UBXN4: variants seen among roughly 807,000 people sequenced by gnomAD.
The protein encoded by UBXN4 is UBX domain protein 4.
UBXN4 carries 35 observed loss-of-function variants against 66.2 expected under a neutral mutation model. The observed-to-expected ratio is 0.53, with a 90% confidence interval of 0.40 to 0.70. UBXN4 has a LOEUF of 0.70. Among genes scored for constraint, UBXN4 ranks in the 30% least tolerant of loss-of-function variants. UBXN4 has a pLI of 0.00. For missense variants in UBXN4, 533 were observed against 599.8 expected, an observed-to-expected ratio of 0.89 and a Z score of 1.16; for synonymous variants, 203 against 204.5, an observed-to-expected ratio of 0.99 and a Z score of 0.06.
At position 135,779,035 on chromosome 2, in the gene UBXN4, C is replaced by T; in HGVS notation, c.1141C>T (p.Leu381=). The T allele has an allele frequency of 6.2e-7, 1 of 1,613,730 alleles. No homozygotes were observed. The highest frequency in any genetic ancestry group is 8.5e-7 in the Non-Finnish European group (1 of 1,179,850). Residue 381 remains leucine (L), a synonymous_variant, in exon 11 of 13, where the codon CTG becomes TTG. Transcript: ENST00000272638. ...CAAAGAAGATTATAAAAAGAAGTTA[C>T]TGGATTTGGAACTTGCCCCAAGCGC... ...FTKEDYKKKL[L]DLELAPSASV...
At chr2:135,763,397 G>A (rs541871423) in intron 6 of UBXN4, among the ~76,000 whole-genome samples, 1 of 152,200 alleles carries the variant, frequency 6.6e-6, no homozygotes, top group Non-Finnish European at 1.5e-5. Flanking sequence ...GGTTAAGTTG[G>A]ACCCATCAGT....
intron 1 of UBXN4, chr2:135,747,532 T>C (rs896027840): frequency 2.3e-6 from 1 of 444,238 alleles, no homozygotes; most frequent in African/African-American, 2.0e-5. Flanking sequence ...AACAGAATTG[T>C]ACCTGCCTCT....
intron 3 of UBXN4, chr2:135,753,916 A>G (rs1052717680): frequency 1.9e-5 from 9 of 462,414 alleles, no homozygotes; most frequent in African/African-American, 1.6e-4. Flanking sequence ...CAAGATGGAT[A>G]GAAAAGGAAG....
chr2:135,767,222 G>GT (rs2077354569), intron 6 of UBXN4, among the ~76,000 whole-genome samples: 1 of 152,154 alleles, frequency 6.6e-6, no homozygotes, highest in Non-Finnish European at 1.5e-5. Flanking sequence ...TTAGCTGGGC[G>GT]TGGGGGTGTG....
chr2:135,770,758 T>G, intron 8 of UBXN4, 23 bp downstream of exon 8: 1 of 1,460,848 alleles, frequency 6.8e-7, no homozygotes, highest in Non-Finnish European at 9.0e-7. Flanking sequence ...TTTCCAGACA[T>G]TCGTGAAACT....
intron 5 of UBXN4, among the ~76,000 whole-genome samples, chr2:135,758,960 T>C (rs1190522509): frequency 6.6e-6 from 1 of 152,168 alleles, no homozygotes; most frequent in Non-Finnish European, 1.5e-5. Context: ...GGTTTCACCA[T>C]GTTGGCCAGG....
chr2:135,769,080 G>A (rs1312011816), intron 6 of UBXN4, among the ~76,000 whole-genome samples: 1 of 152,128 alleles, frequency 6.6e-6, no homozygotes, highest in Non-Finnish European at 1.5e-5. Context: ...GTGACTCGCT[G>A]CAGCCTCGAC....
chr2:135,752,426 G>C (rs1056016030), intron 2 of UBXN4, among the ~76,000 whole-genome samples: 1 of 152,160 alleles, frequency 6.6e-6, no homozygotes, highest in African/African-American at 2.4e-5. Context: ...GTGTCCACCT[G>C]CCTTGACCTC....
intron 1 of UBXN4, among the ~76,000 whole-genome samples, chr2:135,746,067 G>A (rs1353172448): frequency 2.6e-5 from 4 of 151,660 alleles, no homozygotes; most frequent in Admixed American, 2.6e-4. Flanking sequence ...TAGTAGAGAC[G>A]GGGTTTCACC....
chr2:135,781,888 C>G (rs1484697697), intron 12 of UBXN4, among the ~76,000 whole-genome samples: 1 of 152,200 alleles, frequency 6.6e-6, no homozygotes, highest in African/African-American at 2.4e-5. Flanking sequence ...GCCTGGGCAA[C>G]ATAGTGAGGC....
At chr2:135,772,595 A>T (rs1226558295) in intron 9 of UBXN4, 48 bp downstream of exon 9, 1 of 1,605,768 alleles carries the variant, frequency 6.2e-7, no homozygotes, top group Non-Finnish European at 8.5e-7. Flanking sequence ...GGGGCTGAGG[A>T]GAATGATTAT....
At chr2:135,746,878 T>G (rs918625979) in intron 1 of UBXN4, among the ~76,000 whole-genome samples, 16 of 142,456 alleles carry the variant, frequency 1.1e-4, no homozygotes, top group African/African-American at 4.1e-4. Context: ...AGGGTTGATG[T>G]GATCTTTTTT....
rs576444097 is a variant in UBXN4 at position 135,783,543 on chromosome 2, C to T, written c.*656C>T. Reference sequence around the variant, plus strand: ...GGAGCTGTCTCTGGAAAGTAGCTGGCGAGGTTACCTTAACTATCACTGAAG... The same window carrying T: ...GGAGCTGTCTCTGGAAAGTAGCTGGTGAGGTTACCTTAACTATCACTGAAG... On this transcript the variant is annotated 3_prime_UTR_variant, in exon 13 of 13. Coordinates refer to ENST00000272638, the MANE Select transcript of UBXN4 (RefSeq NM_014607.4). The T allele has an allele frequency of 3.9e-5, 6 of 152,000 alleles. No homozygotes were observed. The East Asian group carries it at 7.7e-4, about 20-fold the overall frequency. The allele number at this position is 152,000 out of a possible 1,614,324, so 9.4% of individuals were successfully genotyped here. A position where few individuals can be genotyped will look rare whatever the true frequency, so the allele number is the denominator to read the frequency against.
chr2:135,749,885 A>G (rs1389629276), intron 2 of UBXN4, among the ~76,000 whole-genome samples: 1 of 152,170 alleles, frequency 6.6e-6, no homozygotes, highest in Non-Finnish European at 1.5e-5. Flanking sequence ...TAAAGACACC[A>G]GGTCATTTGT....
At chr2:135,780,710 A>G (rs932658183) in intron 12 of UBXN4, among the ~76,000 whole-genome samples, 3 of 152,074 alleles carry the variant, frequency 2.0e-5, no homozygotes, top group African/African-American at 7.2e-5. Flanking sequence ...CTTGCTAACC[A>G]TGTTTGCTTG....
rs1481740373 is a variant in UBXN4 at position 135,751,235 on chromosome 2, G to A, written c.186-2304G>A. ...GGAGTCTCGCTCTGTAGCCCAGGCT[G>A]GAGTGCAGTAACGTGATCTTGGCTC... On this transcript the variant is annotated intron_variant, in intron 2 of 12. Transcript: ENST00000272638. Among the ~76,000 whole-genome samples, 21 of 150,332 alleles carry A rather than the reference G, an allele frequency of 1.4e-4. No homozygotes were observed. The Admixed American group carries it at 1.4e-3, about 10-fold the overall frequency.
intron 10 of UBXN4, 26 bp from the exon 11 acceptor site, chr2:135,778,920 CTT>C (rs1431288162): frequency 9.0e-5 from 143 of 1,583,162 alleles, no homozygotes; most frequent in Non-Finnish European, 1.2e-4. Context: ...TAAAGGCACT[CTT>C]TAAGTTTTTA....
At chr2:135,761,741 T>C in intron 5 of UBXN4, 77 bp from the exon 6 acceptor site, 1 of 1,231,664 alleles carries the variant, frequency 8.1e-7, no homozygotes, top group Non-Finnish European at 1.1e-6. Flanking sequence ...TAACAGATGC[T>C]ATAATCTGAA....
chr2:135,748,899 G>GCAAAAATTA, intron 2 of UBXN4, among the ~76,000 whole-genome samples: 1 of 151,614 alleles, frequency 6.6e-6, no homozygotes, highest in African/African-American at 2.4e-5. Context: ...AGCCGGGTGT[G>GCAAAAATTA]GTGGCACACG....
Sources: allele counts gnomAD v4.1 joint callset (sites outside exome capture counted in the v4.1 genomes callset), GRCh38; gene constraint gnomAD v4.1.1; transcripts MANE v1.5; gene names NCBI Gene and HGNC (gene_info 2026-07-23, HGNC 2026-07-21).